Variants in ABCC12 observed in about 807,000 individuals in gnomAD.
ABCC12 encodes the protein ATP binding cassette subfamily C member 12, also known as ATP-binding cassette sub-family C member 12.
ABCC12 carries 142 observed loss-of-function variants against 151.1 expected under a neutral mutation model. The ratio of observed to expected loss-of-function variants is 0.94; its 90% CI spans 0.82 to 1.08. The LOEUF (loss-of-function observed/expected upper bound fraction) is 1.08, where lower values mean the gene tolerates loss of function less well. Among genes scored for constraint, ABCC12 ranks in the 50% least tolerant of loss-of-function variants. The probability of loss-of-function intolerance (pLI) is 0.00; values close to 1 mark genes in which losing one functional copy is unlikely to be tolerated. For missense variants in ABCC12, 1,638 were observed against 1,691.1 expected (o/e 0.97, Z 0.55); for synonymous variants, 645 against 646.4 (o/e 1.00, Z 0.03).
intron 18 of ABCC12, among the ~76,000 whole-genome samples, chr16:48,110,004 T>C (rs1367447290): frequency 1.3e-5 from 2 of 152,138 alleles, no homozygotes; most frequent in Non-Finnish European, 2.9e-5. Context: ...CACTTTCCTC[T>C]CCAGAGAGGG....
Position 48,104,189 on chromosome 16 carries a change from G to A in ABCC12, c.2853C>T (p.Val951=). ...CAGCAAGGCTGGCCACGACTAAAAG[G>A]ACAGCAGGAAACACAGCAGCCAAGA... The part of the protein sequence containing the change: ...LVILAAVFPA[V]LLVVASLAVG... Residue 951 remains valine, a synonymous_variant, in exon 22 of 31, where the codon GTC becomes GTT. Coordinates refer to ENST00000311303, the MANE Select transcript of ABCC12 (RefSeq NM_001393797.1). 1 of 1,614,202 alleles carries A rather than the reference G, an allele frequency of 6.2e-7. No individual in the cohort carries two copies. Among genetic ancestry groups the A allele is most frequent in the Non-Finnish European group, 8.5e-7 (1 of 1,180,048 alleles).
intron 2 of ABCC12, among the ~76,000 whole-genome samples, chr16:48,153,024 G>A (rs527931275): frequency 3.3e-5 from 5 of 152,088 alleles, no homozygotes; most frequent in African/African-American, 7.2e-5. Context: ...CAAGTCACCC[G>A]CCTGACCCTC....
At position 48,083,820 on chromosome 16, in the gene ABCC12, G is replaced by GAA; in HGVS notation, c.3994-21_3994-20dup. On this transcript the variant is annotated intron_variant, in intron 30 of 30. Coordinates refer to ENST00000311303, the MANE Select transcript of ABCC12 (RefSeq NM_001393797.1). ...CAATCACCTGAAAGTCAGAGAAGAA[G>GAA]AACTGAAATCATCGGAAAATATCTA... 1 of 1,614,132 alleles carries GAA rather than the reference G, an allele frequency of 6.2e-7. No individual in the cohort carries two copies. Among genetic ancestry groups the GAA allele is most frequent in the South Asian group, 1.1e-5 (1 of 91,074 alleles).
intron 13 of ABCC12, among the ~76,000 whole-genome samples, chr16:48,118,852 G>C (rs1011708899): frequency 1.3e-5 from 2 of 152,222 alleles, no homozygotes; most frequent in African/African-American, 2.4e-5. Context: ...GTACCTCCCT[G>C]ATCCTCACTC....
At position 48,083,961 on chromosome 16, in the gene ABCC12, C is replaced by A. The variant is rs140699394; in HGVS notation, c.3941G>T (p.Arg1314Leu). 1 of 1,611,522 alleles carries A rather than the reference C, an allele frequency of 6.2e-7. No individual in the cohort carries two copies. Among genetic ancestry groups the A allele is most frequent in the South Asian group, 1.1e-5 (1 of 90,636 alleles). The change falls in exon 30 of 31, where the codon CGC (arginine) becomes CTC (leucine). Residue 1314 changes from arginine (R) to leucine (L), a missense_variant. Physicochemically the swap from Arg to Leu is moderately radical, Grantham distance 102. Transcript: ENST00000311303. ...ATCGCAGTTGAGAACTGTGTTGAGG[C>A]GGTGGGCGATGGTCAGCACAGTGCA... ...KGCTVLTIAH[R>L]LNTVLNCDHV...
intron 6 of ABCC12, among the ~76,000 whole-genome samples, chr16:48,139,591 G>T (rs1232582461): frequency 6.6e-6 from 1 of 152,150 alleles, no homozygotes; most frequent in Non-Finnish European, 1.5e-5. Flanking sequence ...GCATGCTGGA[G>T]GGACTGCTAG....
intron 12 of ABCC12, among the ~76,000 whole-genome samples, chr16:48,123,014 G>T: frequency 6.6e-6 from 1 of 152,204 alleles, no homozygotes; most frequent in Non-Finnish European, 1.5e-5. Context: ...GCTGTCCAGA[G>T]TGCCCCCCTG....
chr16:48,135,369 G>C (rs1280894137), intron 8 of ABCC12, among the ~76,000 whole-genome samples: 1 of 152,084 alleles, frequency 6.6e-6, no homozygotes, highest in African/African-American at 2.4e-5. Flanking sequence ...CAAAGTCTGA[G>C]GTCCAGATTT....
Position 48,088,077 on chromosome 16 carries a change from A to G in ABCC12, c.3484T>C (p.Ser1162Pro), listed in dbSNP as rs763817644. ...AGACGAAACAAAGCCATTCCTAACG[A>G]TGACTTTCCTGGGAACCATAAAAGT... ...IVGRTGSGKS[S>P]LGMALFRLVE... Residue 1162 changes from serine to proline, a missense_variant, in exon 27 of 31, where the codon TCG becomes CCG. Ser to Pro is a moderately conservative substitution (Grantham distance 74). Transcript: ENST00000311303. 6.2e-7 allele frequency: 1 copy of G among 1,613,766 alleles called. No homozygotes were observed. Among genetic ancestry groups the G allele is most frequent in the Non-Finnish European group, 8.5e-7 (1 of 1,179,828 alleles).
chr16:48,135,332 C>T (rs1234690464), intron 8 of ABCC12, among the ~76,000 whole-genome samples: 1 of 152,150 alleles, frequency 6.6e-6, no homozygotes, highest in Non-Finnish European at 1.5e-5. Context: ...CAGTTCGGTC[C>T]AGTAACAACC....
intron 20 of ABCC12, 72 bp from the exon 21 acceptor site, chr16:48,105,408 A>C: frequency 7.0e-7 from 1 of 1,435,732 alleles, no homozygotes; most frequent in African/African-American, 1.4e-5. Flanking sequence ...TTTCCGGAGA[A>C]TCTTTCCAGA....
intron 22 of ABCC12, among the ~76,000 whole-genome samples, chr16:48,101,736 T>C (rs1343521218): frequency 1.3e-5 from 2 of 152,134 alleles, no homozygotes; most frequent in South Asian, 2.1e-4. Context: ...GTCTAGTCTT[T>C]ATAGCTAGAG....
chr16:48,121,776 C>T lies in ABCC12; in HGVS notation c.1652G>A (p.Trp551Ter). Residue 551 changes from tryptophan (W) to a stop codon, truncating the protein, a stop_gained, in exon 13 of 31, where the codon TGG becomes TAG. Coordinates refer to ENST00000311303, the MANE Select transcript of ABCC12 (RefSeq NM_001393797.1). LOFTEE classifies it high-confidence loss of function. ...TTCTCTCACATTTCCATGAAAGATC[C>T]ATGCCTGCTGTGAAACGTAGGCCAA... ...GTLAYVSQQA[W>*]IFHGNVRENI... 6.2e-7 allele frequency: 1 copy of T among 1,614,150 alleles called. No individual in the cohort carries two copies. The highest frequency in any genetic ancestry group is 1.1e-5 in the South Asian group (1 of 91,072).
chr16:48,150,170 G>A (rs529247509), intron 2 of ABCC12, among the ~76,000 whole-genome samples: 3 of 152,226 alleles, frequency 2.0e-5, no homozygotes, highest in Admixed American at 6.5e-5. Flanking sequence ...ACTCTCCTGC[G>A]AATTTCCTCC....
At position 48,143,891 on chromosome 16, in the gene ABCC12, C is replaced by G. The variant is rs756380451; in HGVS notation, c.275+19G>C. 9 of 1,609,062 alleles carry G rather than the reference C, an allele frequency of 5.6e-6. No individual in the cohort carries two copies. The highest frequency in any genetic ancestry group is 6.8e-6 in the Non-Finnish European group (8 of 1,176,956). On this transcript the variant is annotated intron_variant, in intron 4 of 30. Coordinates refer to ENST00000311303, the MANE Select transcript of ABCC12 (RefSeq NM_001393797.1). ...GTATGAAAATGGACTAATACAGTGA[C>G]CCAAGCAAATCCTGGTACCTTTTGG... is the stretch of plus-strand genomic sequence containing the variant.
intron 9 of ABCC12, among the ~76,000 whole-genome samples, chr16:48,133,066 T>A (rs933333174): frequency 1.3e-5 from 2 of 152,104 alleles, no homozygotes; most frequent in Non-Finnish European, 2.9e-5. Flanking sequence ...TCTTGTAGTG[T>A]AAGTAGATAA....
At position 48,096,892 on chromosome 16, in the gene ABCC12, A is replaced by G. The variant is rs942253370; in HGVS notation, c.3049T>C (p.Tyr1017His). 6.2e-7 allele frequency: 1 copy of G among 1,614,178 alleles called. No individual in the cohort carries two copies. The highest frequency in any genetic ancestry group is 1.1e-5 in the South Asian group (1 of 91,076). ...KESCITYHLL[Y>H]FNCALRWFAL... ...AACCACCTGAGAGCACAGTTAAAGTAGAGGAGGTGACTGGAGTTTTCGTCG... is the reference window on the plus strand; with the variant it reads ...AACCACCTGAGAGCACAGTTAAAGTGGAGGAGGTGACTGGAGTTTTCGTCG... The change falls in exon 24 of 31, where the codon TAC becomes CAC. Residue 1017 changes from tyrosine to histidine, a missense_variant. Tyr to His is a moderately conservative substitution (Grantham distance 83, BLOSUM62 2). Coordinates refer to ENST00000311303, the MANE Select transcript of ABCC12 (RefSeq NM_001393797.1).
chr16:48,149,353 A>G (rs2150685498), intron 2 of ABCC12, among the ~76,000 whole-genome samples: 1 of 152,166 alleles, frequency 6.6e-6, no homozygotes, highest in Admixed American at 6.5e-5. Context: ...AAACACAACC[A>G]TATCAACAAT....
chr16:48,141,945 G>A (rs918950512), intron 4 of ABCC12, among the ~76,000 whole-genome samples: 1 of 152,236 alleles, frequency 6.6e-6, no homozygotes, highest in African/African-American at 2.4e-5. Context: ...TGGCTGCTAT[G>A]AAAGTGATGG....
Sources: gnomAD v4.1 joint callset for allele counts (sites outside exome capture counted in the v4.1 genomes callset) on GRCh38, gnomAD v4.1.1 for gene constraint, MANE v1.5 for transcripts, NCBI Gene and HGNC (gene_info 2026-07-23, HGNC 2026-07-21) for gene names.